The following WDR41 variants were observed in gnomAD, a reference collection of about 807,000 sequenced individuals.
WDR41 encodes the protein WD repeat domain 41, also known as WD repeat-containing protein 41.
Under a neutral mutation model 69.3 loss-of-function variants are expected in WDR41, and 63 were observed. That is an observed-to-expected ratio of 0.91 (90% CI 0.74 to 1.12). The LOEUF (loss-of-function observed/expected upper bound fraction) is 1.12, where lower values mean the gene tolerates loss of function less well. Ranked by LOEUF, WDR41 falls within the 50% of genes most tolerant of loss-of-function variation. WDR41 has a pLI of 0.00. For missense variants in WDR41, 543 were observed against 534.5 expected (o/e 1.02, Z -0.16); for synonymous variants, 185 against 192.1 (o/e 0.96, Z 0.31).
intron 1 of WDR41, among the ~76,000 whole-genome samples, chr5:77,530,889 A>G (rs929219267): frequency 6.6e-5 from 10 of 151,834 alleles, no homozygotes; most frequent in African/African-American, 2.4e-4. Context: ...TAGAAATATA[A>G]TAAAACAAGC....
intron 1 of WDR41, among the ~76,000 whole-genome samples, chr5:77,521,835 A>G (rs1802374497): frequency 6.6e-6 from 1 of 152,202 alleles, no homozygotes; most frequent in Non-Finnish European, 1.5e-5. Flanking sequence ...TATGTACACC[A>G]CTATCTTTAT....
chr5:77,597,675 C>G (rs539994894), intron 1 of WDR41, among the ~76,000 whole-genome samples: 3 of 152,258 alleles, frequency 2.0e-5, no homozygotes, highest in Non-Finnish European at 4.4e-5. Flanking sequence ...CTGCTTTATC[C>G]TCAGTTCCAA....
At chr5:77,587,553 T>C (rs1744062786) in intron 1 of WDR41, among the ~76,000 whole-genome samples, 1 of 152,214 alleles carries the variant, frequency 6.6e-6, no homozygotes, top group Non-Finnish European at 1.5e-5. Context: ...TTCTTGTGTA[T>C]ATGAAGTGTT....
chr5:77,496,083 C>A (rs1322454651), upstream of WDR41, among the ~76,000 whole-genome samples: 1 of 151,960 alleles, frequency 6.6e-6, no homozygotes, highest in Non-Finnish European at 1.5e-5. Flanking sequence ...TATCACAAAA[C>A]TCTCAGAAAA....
intron 6 of WDR41, among the ~76,000 whole-genome samples, chr5:77,453,553 C>T (rs1419478390): frequency 6.6e-6 from 1 of 152,112 alleles, no homozygotes; most frequent in Non-Finnish European, 1.5e-5. Context: ...TAGGTATCAG[C>T]GTGCTCACCA....
chr5:77,593,990 C>G (rs1260823697), intron 1 of WDR41, among the ~76,000 whole-genome samples: 1 of 151,788 alleles, frequency 6.6e-6, no homozygotes. Context: ...GGGGGCAGGA[C>G]TACCTCAAAA....
intron 1 of WDR41, among the ~76,000 whole-genome samples, chr5:77,613,388 CA>C (rs1287274208): frequency 1.3e-5 from 2 of 152,128 alleles, no homozygotes; most frequent in Non-Finnish European, 2.9e-5. Flanking sequence ...TACCTGACTT[CA>C]AACTATACTA....
intron 1 of WDR41, among the ~76,000 whole-genome samples, chr5:77,578,372 G>A (rs1434841691): frequency 6.6e-6 from 1 of 152,074 alleles, no homozygotes; most frequent in Non-Finnish European, 1.5e-5. Context: ...CAAGACCTGG[G>A]GGAGGGCAGT....
At chr5:77,549,907 A>G (rs1267278132) in intron 1 of WDR41, among the ~76,000 whole-genome samples, 1 of 152,210 alleles carries the variant, frequency 6.6e-6, no homozygotes, top group African/African-American at 2.4e-5. Context: ...ACATAGACCA[A>G]TGAAACAGAA....
chr5:77,456,091 A>G (rs1799821957), intron 5 of WDR41, among the ~76,000 whole-genome samples: 1 of 152,136 alleles, frequency 6.6e-6, no homozygotes, highest in Non-Finnish European at 1.5e-5. Context: ...TGATCCATGC[A>G]CTCAGGATGT....
intron 1 of WDR41, among the ~76,000 whole-genome samples, chr5:77,499,991 G>A (rs1239349924): frequency 6.6e-6 from 1 of 152,084 alleles, no homozygotes; most frequent in African/African-American, 2.4e-5. Context: ...GTCTCCACAG[G>A]ACTTAAAACC....
intron 1 of WDR41, among the ~76,000 whole-genome samples, chr5:77,514,549 C>G (rs1055915660): frequency 1.3e-5 from 2 of 152,186 alleles, no homozygotes; most frequent in African/African-American, 4.8e-5. Flanking sequence ...TGTCTACCTA[C>G]TTTTGCCTAT....
At position 77,440,943 on chromosome 5, in the gene WDR41, A is replaced by AGGGCATC. The variant is rs1561728646; in HGVS notation, c.745_751dup (p.Leu251ArgfsTer11). On this transcript the variant is annotated frameshift_variant, in exon 9 of 13. Coordinates refer to ENST00000296679, the MANE Select transcript of WDR41 (RefSeq NM_018268.4). LOFTEE classifies it high-confidence loss of function. The stretch of plus-strand genomic sequence containing the variant: ...TTCATAGGCCTGCATGGTCCAGTCC[A>AGGGCATC]GGGCATCCCAGATGATCAGCTCTCC... 1 of 1,614,156 alleles carries AGGGCATC rather than the reference A, an allele frequency of 6.2e-7. No homozygotes were observed. Among genetic ancestry groups the AGGGCATC allele is most frequent in the South Asian group, 1.1e-5 (1 of 91,064 alleles).
At chr5:77,540,140 A>G (rs1342921374) in intron 1 of WDR41, among the ~76,000 whole-genome samples, 1 of 152,228 alleles carries the variant, frequency 6.6e-6, no homozygotes. Context: ...ATCACTCCTG[A>G]TAGAATTCCC....
exon 1 of WDR41, chr5:77,620,532 G>A: frequency 2.2e-6 from 1 of 456,182 alleles, no homozygotes; most frequent in South Asian, 1.5e-5. Flanking sequence ...CATAAAGAGA[G>A]GTTAGGAGCA....
At chr5:77,605,635 T>G (rs1294466905) in intron 1 of WDR41, among the ~76,000 whole-genome samples, 3 of 152,184 alleles carry the variant, frequency 2.0e-5, no homozygotes, top group African/African-American at 7.2e-5. Context: ...TAGGACTGGT[T>G]GATGGAGGAA....
At chr5:77,610,918 G>A (rs986473767) in intron 1 of WDR41, among the ~76,000 whole-genome samples, 8 of 151,974 alleles carry the variant, frequency 5.3e-5, no homozygotes, top group East Asian at 1.9e-4. Context: ...CCCATCTCAC[G>A]TGCAAAGACA....
At chr5:77,582,728 T>C in intron 1 of WDR41, 3 of 1,592,476 alleles carry the variant, frequency 1.9e-6, no homozygotes, top group Non-Finnish European at 2.6e-6. Flanking sequence ...CGTCAAATCT[T>C]CAATGGAACC....
At chr5:77,513,454 A>G (rs1047440908) in intron 1 of WDR41, among the ~76,000 whole-genome samples, 6 of 152,194 alleles carry the variant, frequency 3.9e-5, no homozygotes, top group Non-Finnish European at 5.9e-5. Context: ...TAGTCTAGAT[A>G]CATTGCCATA....
Sources: allele counts gnomAD v4.1 joint callset (sites outside exome capture counted in the v4.1 genomes callset), GRCh38; gene constraint gnomAD v4.1.1; transcripts MANE v1.5; gene names NCBI Gene and HGNC (gene_info 2026-07-23, HGNC 2026-07-21).